The following WNK2 variants were observed in gnomAD, a reference collection of about 807,000 sequenced individuals.
WNK2 encodes the protein WNK lysine deficient protein kinase 2, also known as serine/threonine-protein kinase WNK2.
A neutral mutation model predicts 192.1 loss-of-function variants in WNK2; 67 were observed. The observed-to-expected ratio is 0.35, with a 90% CI of 0.29 to 0.43. WNK2 has a LOEUF of 0.43. WNK2 is among the 20% of genes least tolerant of loss of function. The probability of loss-of-function intolerance (pLI) is 1.00; values close to 1 mark genes in which losing one functional copy is unlikely to be tolerated. For missense variants in WNK2, 2,698 were observed against 3,089.7 expected (o/e 0.87, Z 3.01); for synonymous variants, 1,439 against 1,393.9 (o/e 1.03, Z -0.72).
At position 93,184,306 on chromosome 9, in the gene WNK2, C is replaced by T. The variant is rs1587694111; in HGVS notation, c.-82C>T. On this transcript the variant is annotated 5_prime_UTR_variant, in exon 1 of 30. Coordinates refer to ENST00000427277, the MANE Select transcript of WNK2 (RefSeq NM_006648.4). ...CGCGGACCTCGCCCGGAACTCGGAC[C>T]CCGTCCTCGAAGCGTGATCTCTCCC... Among the ~76,000 whole-genome samples, 2 of 151,356 alleles carry T rather than the reference C, an allele frequency of 1.3e-5. No homozygotes were observed. Among genetic ancestry groups the T allele is most frequent in the African/African-American group, 4.8e-5 (2 of 41,454 alleles).
chr9:93,300,322 GGCCGCCAGCGCCT>G, intron 26 of WNK2, 173 bp downstream of exon 26: 1 of 560,566 alleles, frequency 1.8e-6, no homozygotes, highest in South Asian at 2.1e-5. Flanking sequence ...CTGGAGCGGC[GGCCGCCAGCGCCT>G]ACCCCCAAGC....
intron 2 of WNK2, among the ~76,000 whole-genome samples, chr9:93,209,875 G>T (rs1348379149): frequency 3.3e-5 from 5 of 152,174 alleles, no homozygotes; most frequent in Admixed American, 1.3e-4. Flanking sequence ...CATGGTGCCT[G>T]TGCCCCCACT....
intron 7 of WNK2, among the ~76,000 whole-genome samples, chr9:93,243,143 G>A (rs967002991): frequency 2.0e-5 from 3 of 152,170 alleles, no homozygotes; most frequent in Non-Finnish European, 2.9e-5. Flanking sequence ...ACCAGACCTC[G>A]TGGGCTCCTT....
At chr9:93,318,359 G>A (rs1347018345) in intron 29 of WNK2, 2 of 1,604,700 alleles carry the variant, frequency 1.2e-6, no homozygotes, top group Admixed American at 1.7e-5. Flanking sequence ...TGCTAGGTGA[G>A]CCCTGCTTTG....
rs1256124811 is a variant in WNK2 at position 93,238,288 on chromosome 9, T to C, written c.1289T>C (p.Ile430Thr). ...CACGATCCTGAAATCAAGGAGATTA[T>C]TGGGGAGTGTATCTGCAAAAACAAG... is the stretch of plus-strand genomic sequence containing the variant. ...KVHDPEIKEIIGECICKNKEE... is the reference protein window; with the variant it reads ...KVHDPEIKEITGECICKNKEE... Residue 430 changes from isoleucine to threonine, a missense_variant, in exon 6 of 30, where the codon ATT becomes ACT. Physicochemically the swap from Ile to Thr is moderately conservative, Grantham distance 89. Coordinates refer to ENST00000427277, the MANE Select transcript of WNK2 (RefSeq NM_006648.4). The C allele has an allele frequency of 6.2e-7, 1 of 1,613,896 alleles. No individual in the cohort carries two copies. Among genetic ancestry groups the C allele is most frequent in the Non-Finnish European group, 8.5e-7 (1 of 1,179,886 alleles).
At chr9:93,224,760 C>T (rs1837521624) in intron 2 of WNK2, among the ~76,000 whole-genome samples, 1 of 152,108 alleles carries the variant, frequency 6.6e-6, no homozygotes, top group Admixed American at 6.5e-5. Flanking sequence ...TTGACCTTAC[C>T]CTCCAGTGTC....
chr9:93,247,693 A>G lies in WNK2; in HGVS notation c.1693A>G (p.Arg565Gly). 1 of 1,569,188 alleles carries G rather than the reference A, an allele frequency of 6.4e-7. No individual in the cohort carries two copies. Among genetic ancestry groups the G allele is most frequent in the South Asian group, 1.2e-5 (1 of 85,442 alleles). ...GGATGTGGGCAGCCCGGACAAGGCC[A>G]GGGGTCCGCCGGTGCCCCTGCAGGT... ...QQDVGSPDKA[R>G]GPPVPLQVQV... Residue 565 changes from arginine (R) to glycine (G), a missense_variant, in exon 8 of 30, where the codon AGG becomes GGG. Arg to Gly is a moderately radical substitution (Grantham distance 125). Around this residue, in one of 7 missense-constraint regions of WNK2, gnomAD observed 893 missense variants for 909.0 expected, o/e 0.98. Transcript: ENST00000427277. This position sits in a 1 kb window ranked among gnomAD's most constrained non-coding sequence, Gnocchi z 5.2.
In WNK2 at chr9:93,184,210, C is replaced by A. The variant is rs1006608240; in HGVS notation, c.-178C>A. Among the ~76,000 whole-genome samples the A allele has an allele frequency of 6.6e-6, 1 of 150,420 alleles. No individual in the cohort carries two copies. The highest frequency in any genetic ancestry group is 2.4e-5 in the African/African-American group (1 of 41,196). On this transcript the variant is annotated 5_prime_UTR_variant, in exon 1 of 30. Coordinates refer to ENST00000427277, the MANE Select transcript of WNK2 (RefSeq NM_006648.4). ...AAGCCGGCAGGAGCACGCGGGAGCG[C>A]GGCCCCGCAGTGGCCCGGCCCGAGA...
Position 93,286,231 on chromosome 9 carries a change from C to T in WNK2, c.4034-2557C>T, listed in dbSNP as rs143034202. On this transcript the variant is annotated intron_variant, in intron 19 of 29. Transcript: ENST00000427277. ...AGACACCACTAATCGAGCACATAGGCGAGTCACGGAGCGAGAGATTCTGTA... is the reference window on the plus strand; with the variant it reads ...AGACACCACTAATCGAGCACATAGGTGAGTCACGGAGCGAGAGATTCTGTA... Among the ~76,000 whole-genome samples the T allele has an allele frequency of 3.0e-4, 45 of 152,154 alleles. 1 individual carries two copies. The East Asian group carries it at 4.2e-3, about 14-fold the overall frequency.
intron 7 of WNK2, among the ~76,000 whole-genome samples, chr9:93,245,325 C>T (rs1564074842): frequency 1.3e-5 from 2 of 152,212 alleles, no homozygotes; most frequent in African/African-American, 2.4e-5. Context: ...CTCCTATCCT[C>T]GGGCCACTCA....
At chr9:93,249,529 A>T (rs1842233405) in intron 8 of WNK2, among the ~76,000 whole-genome samples, 1 of 152,188 alleles carries the variant, frequency 6.6e-6, no homozygotes, top group Admixed American at 6.5e-5. Context: ...GCTGGAGTGC[A>T]GTGGCGCGAT....
At chr9:93,216,958 A>C (rs537982035) in intron 2 of WNK2, among the ~76,000 whole-genome samples, 1 of 150,352 alleles carries the variant, frequency 6.7e-6, no homozygotes, top group East Asian at 1.9e-4. Context: ...AATAAGATTC[A>C]AAAAAATCTT....
Position 93,289,573 on chromosome 9 carries a change from G to A in WNK2, c.4819G>A (p.Val1607Met), listed in dbSNP as rs774920599. 1 of 1,530,030 alleles carries A rather than the reference G, an allele frequency of 6.5e-7. No homozygotes were observed. Among genetic ancestry groups the A allele is most frequent in the Non-Finnish European group, 8.8e-7 (1 of 1,140,388 alleles). 94.8% of individuals were successfully genotyped at this position (1,530,030 alleles called of 1,614,324 possible). Residue 1607 changes from valine to methionine, a missense_variant, in exon 20 of 30, where the codon GTG (valine) becomes ATG (methionine). Transcript: ENST00000427277. Reference sequence around the variant, plus strand: ...CGGGGGGGACCTGGCCCTGCCCCCAGTGCCTAAGGAGGCGGTCTCAGGGCG... The same window carrying A: ...CGGGGGGGACCTGGCCCTGCCCCCAATGCCTAAGGAGGCGGTCTCAGGGCG... ...VCGGDLALPP[V>M]PKEAVSGRVQ... is the part of the protein sequence containing the mutation.
chr9:93,212,815 G>A (rs1052720366), intron 2 of WNK2, among the ~76,000 whole-genome samples: 4 of 152,176 alleles, frequency 2.6e-5, no homozygotes, highest in Non-Finnish European at 4.4e-5. Context: ...TGTGGAGGAA[G>A]GGGTGTTTCT....
At chr9:93,184,802 C>G in intron 1 of WNK2, 126 bp from the exon 2 acceptor site, 1 of 882,552 alleles carries the variant, frequency 1.1e-6, no homozygotes. Context: ...AGACGGCCCC[C>G]GCAGGCTCTC....
At position 93,247,925 on chromosome 9, in the gene WNK2, C is replaced by A; in HGVS notation, c.1834+91C>A. ...GGGCAAAGAAAAATGAAGTCCTCTC[C>A]CTTTATTGGAATGCTTTGTGAGGAA... is the stretch of plus-strand genomic sequence containing the variant. On this transcript the variant is annotated intron_variant, in intron 8 of 29. Coordinates refer to ENST00000427277, the MANE Select transcript of WNK2 (RefSeq NM_006648.4). This position sits in a 1 kb window ranked among gnomAD's most constrained non-coding sequence, Gnocchi z 5.2. 1.5e-6 allele frequency: 2 copies of A among 1,376,358 alleles called. No homozygotes were observed. Among genetic ancestry groups the A allele is most frequent in the Non-Finnish European group, 1.9e-6 (2 of 1,026,316 alleles). The allele number at this position is 1,376,358 out of a possible 1,614,324, so 85.3% of individuals were successfully genotyped here. A position where few individuals can be genotyped will look rare whatever the true frequency, so the allele number is the denominator to read the frequency against.
chr9:93,259,140 C>A lies in WNK2; in HGVS notation c.2592C>A (p.Pro864=). The change falls in exon 12 of 30, where the codon CCC becomes CCA. Residue 864 remains proline (P), a synonymous_variant. Coordinates refer to ENST00000427277, the MANE Select transcript of WNK2 (RefSeq NM_006648.4). This position sits in a 1 kb window ranked among gnomAD's most constrained non-coding sequence, Gnocchi z 4.8. ...TGCAGGCTGTGAAGCTGCCCCACCC[C>A]CCTGGGGCGCCCCTGGCCATGCCCT... The part of the protein sequence containing the change: ...LPLQAVKLPH[P]PGAPLAMPCR... 1 of 1,611,564 alleles carries A rather than the reference C, an allele frequency of 6.2e-7. No individual in the cohort carries two copies.
chr9:93,299,920 C>A, intron 25 of WNK2, 131 bp from the exon 26 acceptor site: 1 of 520,056 alleles, frequency 1.9e-6, no homozygotes, highest in Non-Finnish European at 3.4e-6. Flanking sequence ...TTTGGTGCTC[C>A]GGGCTGGGCT....
At chr9:93,211,173 T>C (rs1300232245) in intron 2 of WNK2, among the ~76,000 whole-genome samples, 2 of 146,412 alleles carry the variant, frequency 1.4e-5, no homozygotes, top group South Asian at 2.1e-4. Flanking sequence ...CCCTCACTCA[T>C]ACATCCACTC....
Sources: gnomAD v4.1 joint callset for allele counts (sites outside exome capture counted in the v4.1 genomes callset) on GRCh38, gnomAD v4.1.1 for gene constraint, gnomAD v4.1.1 regional missense constraint, Gnocchi (gnomAD v3.1) non-coding constraint, MANE v1.5 for transcripts, NCBI Gene and HGNC (gene_info 2026-07-23, HGNC 2026-07-21) for gene names.